Variants in HNRNPA2B1 observed in about 807,000 individuals in gnomAD.
The protein encoded by HNRNPA2B1 is heterogeneous nuclear ribonucleoprotein A2/B1, also known as heterogeneous nuclear ribonucleoproteins A2/B1.
In HNRNPA2B1, 3 loss-of-function variants were observed where a neutral mutation model predicts 46.3. That is an observed-to-expected ratio of 0.06 (90% confidence interval 0.03 to 0.17). HNRNPA2B1 has a LOEUF of 0.17. Among genes scored for constraint, HNRNPA2B1 ranks in the 10% least tolerant of loss-of-function variants. The pLI is 1.00. For missense variants in HNRNPA2B1, 221 were observed against 418.9 expected (o/e 0.53, Z 4.12); for synonymous variants, 225 against 133.8 (o/e 1.68, Z -4.70).
At chr7:26,193,846 T>C (rs748970314) in intron 7 of HNRNPA2B1, 152 bp from the exon 8 acceptor site, 2 of 713,034 alleles carry the variant, frequency 2.8e-6, no homozygotes, top group Non-Finnish European at 4.6e-6. Context: ...TAACTATCCT[T>C]GGTAAACATT....
intron 7 of HNRNPA2B1, among the ~76,000 whole-genome samples, chr7:26,195,279 A>AG (rs1325268871): frequency 6.6e-6 from 1 of 152,182 alleles, no homozygotes; most frequent in East Asian, 1.9e-4. Context: ...GTCTATTACC[A>AG]GCTCAGTTTT....
At position 26,196,435 on chromosome 7, in the gene HNRNPA2B1, T is replaced by C. The variant is rs745552945; in HGVS notation, c.624A>G (p.Gly208=). 3.7e-6 allele frequency: 6 copies of C among 1,614,148 alleles called. No individual in the cohort carries two copies. The highest frequency in any genetic ancestry group is 1.1e-5 in the South Asian group (1 of 91,082). ...CTCTAAAGTTACTTCCTGGTCCTGG[T>C]CCGAAATTTCCACCGCCACCACGTG... ...GDSRGGGGNF[G]PGPGSNFRGG... The change falls in exon 6 of 11, where the codon GGA becomes GGG. Residue 208 remains glycine (G), a synonymous_variant. Coordinates refer to ENST00000618183, the MANE Select transcript of HNRNPA2B1 (RefSeq NM_002137.4).
rs1784330360 is a variant in HNRNPA2B1 at position 26,200,652 on chromosome 7, C to G, written c.-75G>C. 2 of 1,588,632 alleles carry G rather than the reference C, an allele frequency of 1.3e-6. No individual in the cohort carries two copies. Among genetic ancestry groups the G allele is most frequent in the African/African-American group, 1.3e-5 (1 of 74,466 alleles). On this transcript the variant is annotated 5_prime_UTR_variant, in exon 1 of 11. Coordinates refer to ENST00000618183, the MANE Select transcript of HNRNPA2B1 (RefSeq NM_002137.4). ...AGAGATCTCCGCGGACGAACACGAA[C>G]CGGACTCGTCCTGGCGCTGTAGTGA... is the stretch of plus-strand genomic sequence containing the variant.
chr7:26,194,232 T>A (rs1583974598), intron 7 of HNRNPA2B1, among the ~76,000 whole-genome samples: 2 of 152,036 alleles, frequency 1.3e-5, no homozygotes, highest in East Asian at 1.9e-4. Context: ...CCATCTCTAC[T>A]AAAAATACAA....
intron 7 of HNRNPA2B1, among the ~76,000 whole-genome samples, chr7:26,195,069 G>A (rs550513227): frequency 1.6e-4 from 23 of 142,876 alleles, no homozygotes; most frequent in African/African-American, 5.4e-4. Context: ...CTCCAGCCTG[G>A]GTGACAGAGC....
At chr7:26,198,003 C>A in intron 1 of HNRNPA2B1, 1 of 475,764 alleles carries the variant, frequency 2.1e-6, no homozygotes. Context: ...ATTTACTCAA[C>A]ATTAAATTAT....
At chr7:26,197,115 T>G (rs2128122836) in intron 3 of HNRNPA2B1, 98 bp from the exon 4 acceptor site, 2 of 1,118,890 alleles carry the variant, frequency 1.8e-6, no homozygotes, top group South Asian at 1.4e-5. Context: ...TGTATCCACC[T>G]TAAAACTACC....
Position 26,200,713 on chromosome 7 carries a change from G to A in HNRNPA2B1, c.-136C>T, listed in dbSNP as rs112928113. On this transcript the variant is annotated 5_prime_UTR_variant, in exon 1 of 11. Coordinates refer to ENST00000618183, the MANE Select transcript of HNRNPA2B1 (RefSeq NM_002137.4). ...TGCTCGAGAAACAACTCTGCGAGGA[G>A]CACCTCCGCACGGGACCCGGCGCTG... The A allele has an allele frequency of 9.2e-6, 10 of 1,092,760 alleles. No individual in the cohort carries two copies. Among genetic ancestry groups the A allele is most frequent in the African/African-American group, 4.6e-5 (3 of 65,206 alleles). 67.7% of individuals were successfully genotyped at this position (1,092,760 alleles called of 1,614,324 possible). A position where few individuals can be genotyped will look rare whatever the true frequency, so the allele number is the denominator to read the frequency against.
At chr7:26,199,057 T>C (rs1784031147) in intron 1 of HNRNPA2B1, 1 of 152,210 alleles carries the variant, frequency 6.6e-6, no homozygotes, top group Admixed American at 6.5e-5. Flanking sequence ...ATAGTTATTT[T>C]CATTTTTTCA....
At position 26,196,798 on chromosome 7, in the gene HNRNPA2B1, G is replaced by C. The variant is rs199612730; in HGVS notation, c.475+9C>G. The stretch of plus-strand genomic sequence containing the variant: ...GAAAAAAACAGTACATTTGTGGTTA[G>C]ACACTTACATACGATTTTATCCACA... On this transcript the variant is annotated intron_variant, in intron 4 of 10. Coordinates refer to ENST00000618183, the MANE Select transcript of HNRNPA2B1 (RefSeq NM_002137.4). The C allele has an allele frequency of 7.5e-6, 12 of 1,609,572 alleles. No homozygotes were observed. The South Asian group carries it at 7.7e-5, about 10-fold the overall frequency.
chr7:26,194,678 G>A (rs558793978), intron 7 of HNRNPA2B1, among the ~76,000 whole-genome samples: 1 of 151,610 alleles, frequency 6.6e-6, no homozygotes, highest in Admixed American at 6.6e-5. Context: ...GAGCAACAAA[G>A]CCAGACCCCA....
In HNRNPA2B1 at chr7:26,196,850, G is replaced by C. The variant is rs138786053; in HGVS notation, c.432C>G (p.Gly144=). 5.6e-6 allele frequency: 9 copies of C among 1,613,992 alleles called. No individual in the cohort carries two copies. Among genetic ancestry groups the C allele is most frequent in the Middle Eastern group, 1.6e-4 (1 of 6,062 alleles). Reference sequence around the variant, plus strand: ...GATCATGGTCATCAAAAGTAACAAAGCCAAAGCCTCTTTTCTTTCCAGACT... The same window carrying C: ...GATCATGGTCATCAAAAGTAACAAACCCAAAGCCTCTTTTCTTTCCAGACT... The part of the protein sequence containing the change: ...DRQSGKKRGF[G]FVTFDDHDPV... Residue 144 remains glycine, a synonymous_variant, in exon 4 of 11, where the codon GGC becomes GGG. Transcript: ENST00000618183.
At position 26,195,914 on chromosome 7, in the gene HNRNPA2B1, T is replaced by G. The variant is rs375047300; in HGVS notation, c.659-5A>C. Reference sequence around the variant, plus strand: ...CACGTCCACTGCCATATCCATCTGTTAGGGGCCAAAAAAAGATTACGTTTA... The same window carrying G: ...CACGTCCACTGCCATATCCATCTGTGAGGGGCCAAAAAAAGATTACGTTTA... On this transcript the variant is annotated splice_region_variant and splice_polypyrimidine_tract_variant and intron_variant, in intron 6 of 10. Transcript: ENST00000618183. The G allele has an allele frequency of 6.2e-7, 1 of 1,600,364 alleles. No homozygotes were observed. The highest frequency in any genetic ancestry group is 8.5e-7 in the Non-Finnish European group (1 of 1,176,524).
intron 1 of HNRNPA2B1, chr7:26,198,586 T>G (rs1783952334): frequency 6.6e-6 from 1 of 152,312 alleles, no homozygotes; most frequent in Non-Finnish European, 1.5e-5. Context: ...ATTGGCCATG[T>G]GGCAAGCGAC....
Position 26,197,442 on chromosome 7 carries a change from C to T in HNRNPA2B1, c.137G>A (p.Ser46Asn). ...AAAACCAAATCCTCTTGATCTTTTG[C>T]TTGCAGGATCCCTCATTACCTTTCA... is the stretch of plus-strand genomic sequence containing the variant. ...TDCVVMRDPA[S>N]KRSRGFGFVT... The change falls in exon 3 of 11, where the codon AGC (serine) becomes AAC (asparagine). Residue 46 changes from serine to asparagine, a missense_variant. Physicochemically the swap from Ser to Asn is conservative, Grantham distance 46. Transcript: ENST00000618183. The T allele has an allele frequency of 6.2e-7, 1 of 1,613,976 alleles. No individual in the cohort carries two copies. Among genetic ancestry groups the T allele is most frequent in the Non-Finnish European group, 8.5e-7 (1 of 1,179,932 alleles).
chr7:26,199,430 G>C (rs1206081633), intron 1 of HNRNPA2B1: 1 of 152,246 alleles, frequency 6.6e-6, no homozygotes, highest in Non-Finnish European at 1.5e-5. Context: ...ACAGGAAGGA[G>C]CCTCTGAAGC....
At chr7:26,192,841 A>G (rs58068323) in intron 9 of HNRNPA2B1, among the ~76,000 whole-genome samples, 2 of 152,230 alleles carry the variant, frequency 1.3e-5, no homozygotes, top group Non-Finnish European at 2.9e-5. Context: ...GATTTTTTTA[A>G]AAGTACATCA....
chr7:26,199,834 G>T (rs1784160900), intron 1 of HNRNPA2B1: 1 of 152,096 alleles, frequency 6.6e-6, no homozygotes, highest in African/African-American at 2.4e-5. Flanking sequence ...GCCCTGGGTG[G>T]TGATATCTTC....
chr7:26,198,334 C>A (rs749364433), intron 1 of HNRNPA2B1: 1 of 152,662 alleles, frequency 6.6e-6, no homozygotes, highest in African/African-American at 2.4e-5. Flanking sequence ...CTCTCAGTTA[C>A]GAAAATATTT....
Sources: allele counts gnomAD v4.1 joint callset (sites outside exome capture counted in the v4.1 genomes callset), GRCh38; gene constraint gnomAD v4.1.1; transcripts MANE v1.5; gene names NCBI Gene and HGNC (gene_info 2026-07-23, HGNC 2026-07-21).